TTC7B: variants seen among roughly 807,000 people sequenced by gnomAD.
TTC7B encodes tetratricopeptide repeat domain 7B, also known as tetratricopeptide repeat protein 7B.
A neutral mutation model predicts 106.8 loss-of-function variants in TTC7B; 28 were observed. The ratio of observed to expected loss-of-function variants is 0.26; its 90% CI spans 0.19 to 0.36. TTC7B has a LOEUF of 0.36. TTC7B is among the 10% of genes least tolerant of loss of function. The pLI, the probability that TTC7B is intolerant of heterozygous loss-of-function variation, is 1.00. For synonymous variants in TTC7B, 405 were observed against 430.6 expected (o/e 0.94, Z 0.74); for missense variants, 862 against 1,076.4 (o/e 0.80, Z 2.79).
rs1886309277 is a variant in TTC7B, at chr14:90,663,995, AC to A, written c.1153-5609del. On this transcript the variant is annotated intron_variant, in intron 9 of 19. Coordinates refer to ENST00000328459, the MANE Select transcript of TTC7B (RefSeq NM_001010854.2). This position sits in a 1 kb window ranked among gnomAD's most constrained non-coding sequence, Gnocchi z 4.5. ...TTCTGTAAACATGAAGATTACATAAACCCCTAAGCAGCTCAGGTCAACCATA... is the reference window on the plus strand; with the variant it reads ...TTCTGTAAACATGAAGATTACATAAACCCTAAGCAGCTCAGGTCAACCATA... 6.6e-6 allele frequency among the ~76,000 whole-genome samples: 1 copy of A among 152,102 alleles called. No individual in the cohort carries two copies. The highest frequency in any genetic ancestry group is 2.1e-4 in the South Asian group (1 of 4,826).
chr14:90,745,037 TAGAC>T lies in TTC7B; in HGVS notation c.446-119_446-116del, dbSNP rs575479988. 469 of 1,019,328 alleles carry T rather than the reference TAGAC, an allele frequency of 4.6e-4. 5 individuals carry two copies. The African/African-American group carries it at 7.0e-3, about 15-fold the overall frequency. The allele number at this position is 1,019,328 out of a possible 1,614,324, so 63.1% of individuals were successfully genotyped here. On this transcript the variant is annotated intron_variant, in intron 3 of 19. Coordinates refer to ENST00000328459, the MANE Select transcript of TTC7B (RefSeq NM_001010854.2). ...TGTAGAATATCATGTTGTTTGCAAA[TAGAC>T]AGTTTACTTCCTCCTTTTCAATCTG...
intron 3 of TTC7B, among the ~76,000 whole-genome samples, chr14:90,758,105 T>G (rs1380871764): frequency 6.6e-6 from 1 of 151,942 alleles, no homozygotes; most frequent in African/African-American, 2.4e-5. Context: ...GGTGAGTCCC[T>G]AAGAAGGCTC....
chr14:90,646,273 T>C (rs1204580202), intron 14 of TTC7B, among the ~76,000 whole-genome samples: 1 of 152,160 alleles, frequency 6.6e-6, no homozygotes, highest in Non-Finnish European at 1.5e-5. Flanking sequence ...ACCAGTGTCT[T>C]GCACCTGGTG....
chr14:90,537,319 T>A lies in TTC7B; in HGVS notation c.*4049A>T, dbSNP rs973943542. The A allele has an allele frequency of 1.3e-5, 2 of 149,794 alleles. No individual in the cohort carries two copies. Among genetic ancestry groups the A allele is most frequent in the Non-Finnish European group, 2.9e-5 (2 of 67,808 alleles). 9.3% of individuals were successfully genotyped at this position (149,794 alleles called of 1,614,324 possible). ...AGCCCATCTCAGCCTCCCAAGCAGCTGGGACTACAGGTGCACGCCACCAAA... is the reference window on the plus strand; with the variant it reads ...AGCCCATCTCAGCCTCCCAAGCAGCAGGGACTACAGGTGCACGCCACCAAA... On this transcript the variant is annotated 3_prime_UTR_variant, in exon 20 of 20. Coordinates refer to ENST00000328459, the MANE Select transcript of TTC7B (RefSeq NM_001010854.2).
At chr14:90,637,282 C>G in intron 15 of TTC7B, among the ~76,000 whole-genome samples, 1 of 151,218 alleles carries the variant, frequency 6.6e-6, no homozygotes, top group Non-Finnish European at 1.5e-5. Flanking sequence ...TGGACAAATC[C>G]TTACATATAA....
rs970110965 is a variant in TTC7B, at chr14:90,719,867, A to G, written c.698+10208T>C. Among the ~76,000 whole-genome samples the G allele has an allele frequency of 5.4e-4, 82 of 152,354 alleles. 1 individual carries two copies. Among genetic ancestry groups the G allele is most frequent in the Non-Finnish European group, 6.9e-4 (47 of 68,032 alleles). On this transcript the variant is annotated intron_variant, in intron 5 of 19. Transcript: ENST00000328459. ...AGGAGTAAAATAAAGCAGAGAATAA[A>G]GGATGAGTTGGCTGGACAAGATGCC...
chr14:90,630,850 T>G (rs1165197671), intron 15 of TTC7B, among the ~76,000 whole-genome samples: 5 of 151,844 alleles, frequency 3.3e-5, no homozygotes, highest in Admixed American at 6.6e-5. Flanking sequence ...TTTTTTTTTT[T>G]TTGAGATGGA....
At chr14:90,774,300 T>G (rs1406718281) in intron 3 of TTC7B, among the ~76,000 whole-genome samples, 1 of 152,238 alleles carries the variant, frequency 6.6e-6, no homozygotes, top group African/African-American at 2.4e-5. Flanking sequence ...CTTTGAGCCC[T>G]GAAGCCAGCT....
intron 17 of TTC7B, among the ~76,000 whole-genome samples, chr14:90,604,451 C>T (rs1892557020): frequency 6.6e-6 from 1 of 152,154 alleles, no homozygotes; most frequent in Non-Finnish European, 1.5e-5. Context: ...CAGCGGGTTT[C>T]TCGGCGTGGA....
chr14:90,635,778 T>A (rs1321055821), intron 15 of TTC7B, among the ~76,000 whole-genome samples: 5 of 130,412 alleles, frequency 3.8e-5, no homozygotes, highest in South Asian at 5.0e-4. Context: ...AAAAAAAAAA[T>A]TATCTATATA....
At chr14:90,634,128 C>T (rs528378328) in intron 15 of TTC7B, among the ~76,000 whole-genome samples, 15 of 152,250 alleles carry the variant, frequency 9.9e-5, no homozygotes, top group South Asian at 8.3e-4. Context: ...CCACCTGCCT[C>T]GGCCTCCCAA....
intron 17 of TTC7B, among the ~76,000 whole-genome samples, chr14:90,605,091 A>T (rs1419268016): frequency 6.6e-6 from 1 of 152,306 alleles, no homozygotes; most frequent in South Asian, 2.1e-4. Flanking sequence ...GGTGGGGACC[A>T]GGGGATCCGC....
At chr14:90,561,872 G>T (rs954112951) in intron 19 of TTC7B, among the ~76,000 whole-genome samples, 1 of 152,200 alleles carries the variant, frequency 6.6e-6, no homozygotes, top group Non-Finnish European at 1.5e-5. Context: ...AGCCCCAAAT[G>T]CTTGCTATAG....
At chr14:90,620,585 G>T (rs1357900002) in intron 15 of TTC7B, among the ~76,000 whole-genome samples, 1 of 152,162 alleles carries the variant, frequency 6.6e-6, no homozygotes, top group African/African-American at 2.4e-5. Flanking sequence ...ACTGTGGGGG[G>T]TCCAGGAAGC....
In TTC7B at chr14:90,597,491, C is replaced by T. The variant is rs886692175; in HGVS notation, c.1967-3865G>A. Among the ~76,000 whole-genome samples, 43 of 152,092 alleles carry T rather than the reference C, an allele frequency of 2.8e-4. 2 individuals are homozygous for T. ...TGGTCAACATAGTGAAACCCTGTCT[C>T]TACTAAAAATACAAAAAGTAGCGGG... On this transcript the variant is annotated intron_variant, in intron 17 of 19. Coordinates refer to ENST00000328459, the MANE Select transcript of TTC7B (RefSeq NM_001010854.2).
chr14:90,791,766 G>A (rs1023328740), intron 1 of TTC7B, among the ~76,000 whole-genome samples: 2 of 152,048 alleles, frequency 1.3e-5, no homozygotes, highest in African/African-American at 4.8e-5. Context: ...GCCACCTATT[G>A]AGGATGAGCA....
chr14:90,806,459 G>GC (rs2030616110), intron 1 of TTC7B, among the ~76,000 whole-genome samples: 1 of 152,206 alleles, frequency 6.6e-6, no homozygotes, highest in Non-Finnish European at 1.5e-5. Context: ...CAGCCCACCT[G>GC]CCCCCTGCAC....
chr14:90,659,771 G>A (rs533362765), intron 9 of TTC7B, among the ~76,000 whole-genome samples: 1 of 152,178 alleles, frequency 6.6e-6, no homozygotes, highest in South Asian at 2.1e-4. Flanking sequence ...AGGTATGAAG[G>A]AAGGATGTGT....
intron 3 of TTC7B, among the ~76,000 whole-genome samples, chr14:90,772,475 G>T (rs574573107): frequency 1.3e-5 from 2 of 152,122 alleles, no homozygotes; most frequent in Non-Finnish European, 2.9e-5. Context: ...GAAAAAGCAG[G>T]TCACAAAGCA....
Sources: gnomAD v4.1 joint callset for allele counts (sites outside exome capture counted in the v4.1 genomes callset) on GRCh38, gnomAD v4.1.1 for gene constraint, Gnocchi (gnomAD v3.1) non-coding constraint, MANE v1.5 for transcripts, NCBI Gene and HGNC (gene_info 2026-07-23, HGNC 2026-07-21) for gene names.